TLR5: variants seen among roughly 807,000 people sequenced by gnomAD.
The protein encoded by TLR5 is toll like receptor 5, also known as toll-like receptor 5.
For synonymous variants in TLR5, 373 were observed against 384.4 expected (o/e 0.97, Z 0.35); for missense variants, 944 against 999.8 (o/e 0.94, Z 0.75).
At chr1:223,115,907 G>T (rs1466207501) in intron 5 of TLR5, among the ~76,000 whole-genome samples, 1 of 152,156 alleles carries the variant, frequency 6.6e-6, no homozygotes, top group Non-Finnish European at 1.5e-5. Flanking sequence ...AGCCATCCTG[G>T]AATACACACA....
At chr1:223,117,690 T>C (rs72748471) in intron 5 of TLR5, among the ~76,000 whole-genome samples, 3,220 of 152,288 alleles carry the variant, frequency 0.021, 40 homozygotes, top group Non-Finnish European at 0.03. Context: ...CAGTGCATTT[T>C]ATCTGTAACA....
At chr1:223,123,000 C>T (rs1260284290) in intron 5 of TLR5, among the ~76,000 whole-genome samples, 3 of 152,140 alleles carry the variant, frequency 2.0e-5, no homozygotes, top group Non-Finnish European at 4.4e-5. Context: ...GTTTGCTGAT[C>T]TCTATTCTAG....
intron 5 of TLR5, among the ~76,000 whole-genome samples, chr1:223,115,047 T>C (rs922350793): frequency 2.6e-5 from 4 of 152,216 alleles, no homozygotes; most frequent in African/African-American, 9.6e-5. Flanking sequence ...GCCAGCATGT[T>C]CTTTCAAAAA....
intron 5 of TLR5, among the ~76,000 whole-genome samples, chr1:223,121,403 G>C (rs1458730329): frequency 1.3e-5 from 2 of 152,244 alleles, no homozygotes; most frequent in Non-Finnish European, 2.9e-5. Flanking sequence ...GGGTCTGACA[G>C]TGCTGCAGTG....
At chr1:223,135,984 G>A (rs1657597328) in intron 3 of TLR5, among the ~76,000 whole-genome samples, 2 of 151,976 alleles carry the variant, frequency 1.3e-5, no homozygotes, top group South Asian at 2.1e-4. Flanking sequence ...CAGCTCCCTA[G>A]TCATTGGTCC....
chr1:223,138,699 A>G (rs2252620), intron 2 of TLR5, among the ~76,000 whole-genome samples: 4,173 of 152,328 alleles, frequency 0.027, 155 homozygotes, highest in African/African-American at 0.087. Flanking sequence ...CGTAGTACTC[A>G]GAGACATATA....
intron 2 of TLR5, among the ~76,000 whole-genome samples, chr1:223,137,701 G>A (rs536576864): frequency 6.6e-6 from 1 of 152,274 alleles, no homozygotes; most frequent in South Asian, 2.1e-4. Flanking sequence ...ATAACCAAGT[G>A]AACAATATGA....
intron 5 of TLR5, among the ~76,000 whole-genome samples, chr1:223,115,229 C>T (rs1025032027): frequency 6.6e-6 from 1 of 152,078 alleles, no homozygotes; most frequent in African/African-American, 2.4e-5. Flanking sequence ...TGCTGAGCAC[C>T]CATTATGTGT....
intron 5 of TLR5, chr1:223,126,801 T>C (rs1206615883): frequency 6.6e-6 from 1 of 152,214 alleles, no homozygotes; most frequent in Non-Finnish European, 1.5e-5. Flanking sequence ...TTAACTTGTA[T>C]CTAGGGCTTT....
At position 223,110,693 on chromosome 1, in the gene TLR5, A is replaced by G; in HGVS notation, c.2339T>C (p.Leu780Ser). 1 of 1,614,152 alleles carries G rather than the reference A, an allele frequency of 6.2e-7. No homozygotes were observed. The highest frequency in any genetic ancestry group is 8.5e-7 in the Non-Finnish European group (1 of 1,180,014). The change falls in exon 6 of 6, where the codon TTA (leucine) becomes TCA (serine). Residue 780 changes from leucine (L) to serine (S), a missense_variant. Leu to Ser is a moderately radical substitution (Grantham distance 145). Coordinates refer to ENST00000642603, the MANE Select transcript of TLR5 (RefSeq NM_003268.6). ...GATGAGAGCACTGTTAAGGTCAGAT[A>G]AGCACCTGCCCTGGGCATAACTGAA... ...EAFSYAQGRCLSDLNSALIMV... is the reference protein window; with the variant it reads ...EAFSYAQGRCSSDLNSALIMV...
intron 2 of TLR5, among the ~76,000 whole-genome samples, chr1:223,138,562 C>T (rs1434402522): frequency 6.6e-6 from 1 of 152,180 alleles, no homozygotes; most frequent in Non-Finnish European, 1.5e-5. Flanking sequence ...CCTGACCTCA[C>T]TTGTACTTAA....
intron 5 of TLR5, among the ~76,000 whole-genome samples, chr1:223,119,478 C>G (rs1362070180): frequency 1.3e-5 from 2 of 152,060 alleles, no homozygotes; most frequent in Non-Finnish European, 2.9e-5. Context: ...TGATGCACCC[C>G]TCTCTTGGCC....
intron 5 of TLR5, among the ~76,000 whole-genome samples, chr1:223,126,425 G>T (rs986285592): frequency 6.6e-6 from 1 of 152,154 alleles, no homozygotes; most frequent in African/African-American, 2.4e-5. Context: ...AAACAGTAGT[G>T]AATGTACTTA....
intron 5 of TLR5, among the ~76,000 whole-genome samples, chr1:223,116,657 A>C (rs550105148): frequency 3.3e-5 from 5 of 152,260 alleles, no homozygotes; most frequent in Middle Eastern, 6.8e-3. Flanking sequence ...CCCCACCGAC[A>C]TCCTGCTTAT....
At chr1:223,138,976 T>G (rs1294331085) in intron 2 of TLR5, among the ~76,000 whole-genome samples, 2 of 152,214 alleles carry the variant, frequency 1.3e-5, no homozygotes, top group South Asian at 2.1e-4. Flanking sequence ...GTTTTATAAA[T>G]GGGAGTTCCC....
intron 5 of TLR5, among the ~76,000 whole-genome samples, chr1:223,115,327 G>T (rs1656573249): frequency 6.6e-6 from 1 of 152,202 alleles, no homozygotes; most frequent in Admixed American, 6.6e-5. Flanking sequence ...TCAGCTCACT[G>T]CAACCTCCGC....
chr1:223,126,206 C>T lies in TLR5; in HGVS notation c.-5+6269G>A, dbSNP rs115937574. Among the ~76,000 whole-genome samples the T allele has an allele frequency of 2.0e-3, 305 of 152,274 alleles. 1 individual carries two copies. Among genetic ancestry groups the T allele is most frequent in the Non-Finnish European group, 3.4e-3 (232 of 68,038 alleles). On this transcript the variant is annotated intron_variant, in intron 5 of 5. Coordinates refer to ENST00000642603, the MANE Select transcript of TLR5 (RefSeq NM_003268.6). ...TGGAATTCTGACACACGGTACAAGACGGATGAACTTTGAAGACATTATGCT... is the reference window on the plus strand; with the variant it reads ...TGGAATTCTGACACACGGTACAAGATGGATGAACTTTGAAGACATTATGCT...
At position 223,134,817 on chromosome 1, in the gene TLR5, G is replaced by T. The variant is rs76950274; in HGVS notation, c.-305C>A. 2.0e-5 allele frequency: 3 copies of T among 152,374 alleles called. No homozygotes were observed. The highest frequency in any genetic ancestry group is 1.9e-4 in the East Asian group (1 of 5,302). The allele number at this position is 152,374 out of a possible 1,614,324, so 9.4% of individuals were successfully genotyped here. A position where few individuals can be genotyped will look rare whatever the true frequency, so the allele number is the denominator to read the frequency against. ...GCCAGGAAAGCTGGGCAACTATAAG[G>T]TCAGGGGGCTGGAGCAGATGAGAGT... On this transcript the variant is annotated 5_prime_UTR_variant, in exon 4 of 6. Transcript: ENST00000642603.
chr1:223,140,481 A>G (rs1475975807), intron 2 of TLR5, among the ~76,000 whole-genome samples: 1 of 149,260 alleles, frequency 6.7e-6, no homozygotes, highest in Non-Finnish European at 1.5e-5. Context: ...CAGGAGGCAG[A>G]GGTTGCAGTG....
Sources: allele counts gnomAD v4.1 joint callset (sites outside exome capture counted in the v4.1 genomes callset), GRCh38; gene constraint gnomAD v4.1.1; transcripts MANE v1.5; gene names NCBI Gene and HGNC (gene_info 2026-07-23, HGNC 2026-07-21).